TEX11: variants seen among roughly 807,000 people sequenced by gnomAD.
TEX11 encodes the protein testis-expressed protein 11.
A neutral mutation model predicts 84.4 loss-of-function variants in TEX11; 7 were observed. The observed-to-expected ratio is 0.08, with a 90% CI of 0.05 to 0.16. TEX11 has a LOEUF of 0.16. Ranked by LOEUF, TEX11 falls within the 10% of genes least tolerant of loss-of-function variation. The pLI is 1.00. For synonymous variants in TEX11, 264 were observed against 222.8 expected (o/e 1.18, Z -1.64); for missense variants, 551 against 660.5 (o/e 0.83, Z 1.82).
chrX:70,899,845 T>A (rs1216307000), intron 2 of TEX11, among the ~76,000 whole-genome samples: 1 of 30,614 alleles, frequency 3.3e-5, no homozygotes, highest in African/African-American at 1.2e-4. Context: ...GGTCCTGTAT[T>A]AAAAAAAAAA....
intron 17 of TEX11, among the ~76,000 whole-genome samples, chrX:70,641,777 A>G (rs1394952001): frequency 2.7e-5 from 3 of 110,464 alleles, no homozygotes; most frequent in African/African-American, 9.9e-5. Context: ...CAGTGTGTAG[A>G]GGGAAATTTA....
intron 17 of TEX11, among the ~76,000 whole-genome samples, chrX:70,643,647 C>G (rs2089695747): frequency 9.2e-6 from 1 of 108,693 alleles, no homozygotes; most frequent in East Asian, 2.9e-4. Flanking sequence ...CTTTGACAAA[C>G]CTGAGAAAAA....
At chrX:70,529,279 C>T (rs1247350832) in intron 29 of TEX11, 92 bp from the exon 30 acceptor site, 5 of 621,159 alleles carry the variant, frequency 8.0e-6, no homozygotes, top group African/African-American at 6.7e-5. Context: ...AAAGTCTAAC[C>T]GTTACCTTCG....
intron 5 of TEX11, among the ~76,000 whole-genome samples, chrX:70,854,328 G>T (rs1024085832): frequency 9.0e-6 from 1 of 111,277 alleles, no homozygotes; most frequent in Admixed American, 9.6e-5. Flanking sequence ...AAGGTGGAAG[G>T]TTAAAGGGAA....
chrX:70,697,806 A>G (rs1207922900), intron 13 of TEX11, among the ~76,000 whole-genome samples: 1 of 111,920 alleles, frequency 8.9e-6, no homozygotes, highest in Non-Finnish European at 1.9e-5. Context: ...ACAGGTAAGT[A>G]CTATTCATGA....
intron 13 of TEX11, among the ~76,000 whole-genome samples, chrX:70,698,652 A>G (rs2070106205): frequency 9.0e-6 from 1 of 110,900 alleles, no homozygotes; most frequent in African/African-American, 3.3e-5. Context: ...GCATGCAAGG[A>G]GTAGAGGCCA....
intron 3 of TEX11, among the ~76,000 whole-genome samples, chrX:70,876,547 C>T (rs1448852349): frequency 9.0e-6 from 1 of 111,364 alleles, no homozygotes; most frequent in Non-Finnish European, 1.9e-5. Context: ...ATACATGCTG[C>T]AAACAGAAGT....
Position 70,702,301 on chromosome X carries a change from T to C in TEX11, c.1005-19476A>G, listed in dbSNP as rs2090332349. Among the ~76,000 whole-genome samples, 5 of 111,850 alleles carry C rather than the reference T, an allele frequency of 4.5e-5. No homozygotes were observed. The Admixed American group carries it at 4.8e-4, about 11-fold the overall frequency. On this transcript the variant is annotated intron_variant, in intron 13 of 29. Transcript: ENST00000374333. Reference sequence around the variant, plus strand: ...CCTGATCAGTCCGCAGCCAACAACATCAAGACAAGACCCTTCATTAGCACA... The same window carrying C: ...CCTGATCAGTCCGCAGCCAACAACACCAAGACAAGACCCTTCATTAGCACA...
chrX:70,635,046 GC>G (rs780423786), intron 17 of TEX11, among the ~76,000 whole-genome samples: 3 of 112,257 alleles, frequency 2.7e-5, no homozygotes, highest in Non-Finnish European at 5.6e-5. Context: ...GGACTTTCCA[GC>G]GCTCATTCCC....
intron 13 of TEX11, among the ~76,000 whole-genome samples, chrX:70,716,869 G>A (rs188637905): frequency 5.3e-5 from 6 of 112,286 alleles, no homozygotes; most frequent in Non-Finnish European, 9.4e-5. Context: ...CTTCTGCGTC[G>A]CTCACGCTGG....
In TEX11 at chrX:70,583,157, A is replaced by C. The variant is rs908424237; in HGVS notation, c.2140+8594T>G. Among the ~76,000 whole-genome samples the C allele has an allele frequency of 6.3e-5, 7 of 111,041 alleles. No homozygotes were observed. In the South Asian group the frequency reaches 1.1e-3, roughly 18 times the overall value. ...ACAGAAGTTCAGTTTTGTTACATGG[A>C]TATATTAAGTAGTAGTGAAGTCTGG... is the stretch of plus-strand genomic sequence containing the variant. On this transcript the variant is annotated intron_variant, in intron 25 of 29. Coordinates refer to ENST00000374333, the MANE Select transcript of TEX11 (RefSeq NM_031276.3).
chrX:70,742,342 TATATAA>T lies in TEX11; in HGVS notation c.748-1552_748-1547del, dbSNP rs1364941844. ...TATATAATAAGTGACAATGTCACTA[TATATAA>T]ATATAAATATTATATATTTATATAT... On this transcript the variant is annotated intron_variant, in intron 10 of 29. Transcript: ENST00000374333. Among the ~76,000 whole-genome samples, 6 of 105,651 alleles carry T rather than the reference TATATAA, an allele frequency of 5.7e-5. No homozygotes were observed. In the East Asian group the frequency reaches 1.8e-3, roughly 32 times the overall value. 91.7% of individuals were successfully genotyped at this position (105,651 alleles called of 115,157 possible). A position where few individuals can be genotyped will look rare whatever the true frequency, so the allele number is the denominator to read the frequency against.
chrX:70,753,200 G>C (rs2090841848), intron 9 of TEX11, among the ~76,000 whole-genome samples: 1 of 100,784 alleles, frequency 9.9e-6, no homozygotes, highest in South Asian at 5.4e-4. Context: ...ATTTGGGTGG[G>C]GGGGGTGGGC....
intron 4 of TEX11, among the ~76,000 whole-genome samples, chrX:70,862,915 C>CAA (rs201281457): frequency 1.5e-5 from 1 of 67,878 alleles, no homozygotes. Context: ...AACTCCAACT[C>CAA]AAAAAAAAAA....
intron 25 of TEX11, among the ~76,000 whole-genome samples, chrX:70,559,038 C>T (rs2088327162): frequency 8.9e-6 from 1 of 111,818 alleles, no homozygotes; most frequent in Non-Finnish European, 1.9e-5. Flanking sequence ...CATAGGGTTA[C>T]CATATGACCC....
chrX:70,693,855 C>T (rs1459833399), intron 13 of TEX11, among the ~76,000 whole-genome samples: 1 of 111,549 alleles, frequency 9.0e-6, no homozygotes, highest in Admixed American at 9.5e-5. Context: ...ACAATGTATG[C>T]ATATATCAAA....
intron 16 of TEX11, among the ~76,000 whole-genome samples, chrX:70,660,006 T>A (rs920543311): frequency 3.6e-5 from 4 of 112,276 alleles, no homozygotes; most frequent in African/African-American, 1.3e-4. Flanking sequence ...AGGCTACAAA[T>A]CTCTACAGCA....
At chrX:70,895,839 A>C (rs950612674) in intron 2 of TEX11, among the ~76,000 whole-genome samples, 1 of 112,010 alleles carries the variant, frequency 8.9e-6, no homozygotes, top group East Asian at 2.8e-4. Flanking sequence ...CAGAAACCGG[A>C]TCCCTTCCCT....
At chrX:70,739,340 A>G (rs775387012) in intron 11 of TEX11, among the ~76,000 whole-genome samples, 161 of 110,399 alleles carry the variant, frequency 1.5e-3, no homozygotes, top group African/African-American at 5.1e-3. Flanking sequence ...TCTAAAGTGT[A>G]TCAGTATATT....
Sources: gnomAD v4.1 joint callset for allele counts (sites outside exome capture counted in the v4.1 genomes callset) on GRCh38, gnomAD v4.1.1 for gene constraint, MANE v1.5 for transcripts, NCBI Gene and HGNC (gene_info 2026-07-23, HGNC 2026-07-21) for gene names.